TPRG1: variants seen among roughly 807,000 people sequenced by gnomAD.
The protein encoded by TPRG1 is tumor protein p63 regulated 1, also known as tumor protein p63-regulated gene 1 protein.
A neutral mutation model predicts 29.3 loss-of-function variants in TPRG1; 29 were observed. The observed-to-expected ratio is 0.99, with a 90% CI of 0.74 to 1.35. The LOEUF is 1.35. Ranked by LOEUF, TPRG1 falls within the 40% of genes most tolerant of loss-of-function variation. The pLI is 0.00. For missense variants in TPRG1, 327 were observed against 335.0 expected, an observed-to-expected ratio of 0.98 and a Z score of 0.19; for synonymous variants, 130 against 116.8, an observed-to-expected ratio of 1.11 and a Z score of -0.73.
intron 1 of TPRG1, among the ~76,000 whole-genome samples, chr3:189,105,961 G>A (rs1044649509): frequency 2.0e-5 from 3 of 152,134 alleles, no homozygotes; most frequent in South Asian, 2.1e-4. Flanking sequence ...ATACCTAGGC[G>A]ATGGGTTGAC....
intron 4 of TPRG1, among the ~76,000 whole-genome samples, chr3:189,245,719 T>C (rs1017790548): frequency 1.3e-5 from 2 of 152,114 alleles, no homozygotes; most frequent in African/African-American, 4.8e-5. Context: ...TTATATATAT[T>C]TTTACTGATT....
intron 4 of TPRG1, among the ~76,000 whole-genome samples, chr3:189,303,951 T>C (rs1431960183): frequency 6.6e-6 from 1 of 152,174 alleles, no homozygotes; most frequent in Non-Finnish European, 1.5e-5. Flanking sequence ...TTTTTATAAT[T>C]ATTCACTCTC....
At chr3:188,997,989 C>T (rs558378765) in intron 1 of TPRG1, among the ~76,000 whole-genome samples, 2 of 151,998 alleles carry the variant, frequency 1.3e-5, no homozygotes, top group East Asian at 3.9e-4. Context: ...AATTCACATT[C>T]ATTCATTCAT....
At chr3:189,238,213 T>C (rs1473535731) in intron 3 of TPRG1, among the ~76,000 whole-genome samples, 1 of 152,172 alleles carries the variant, frequency 6.6e-6, no homozygotes, top group Non-Finnish European at 1.5e-5. Context: ...GAGCTGCAAA[T>C]AGGAATGAGA....
chr3:189,010,147 G>A (rs1372065750), intron 3 of TPRG1, among the ~76,000 whole-genome samples: 4 of 152,138 alleles, frequency 2.6e-5, no homozygotes, highest in Non-Finnish European at 4.4e-5. Context: ...TGGCTGCATA[G>A]AATTCCATGG....
chr3:189,035,823 G>A (rs1714231628), intron 4 of TPRG1, among the ~76,000 whole-genome samples: 2 of 152,130 alleles, frequency 1.3e-5, no homozygotes, highest in South Asian at 4.1e-4. Flanking sequence ...CTGTTAGTGG[G>A]AATGTAAATT....
chr3:189,190,644 T>C (rs1369271608), intron 1 of TPRG1, among the ~76,000 whole-genome samples: 5 of 152,202 alleles, frequency 3.3e-5, no homozygotes, highest in Non-Finnish European at 7.3e-5. Flanking sequence ...TACTTCATCA[T>C]CTACAAAGTA....
At chr3:189,132,690 G>A (rs1723234765) in exon 3 of TPRG1, 1 of 152,188 alleles carries the variant, frequency 6.6e-6, no homozygotes. Flanking sequence ...TGTCAGGCGG[G>A]AAAACAGGTA....
intron 3 of TPRG1, among the ~76,000 whole-genome samples, chr3:189,135,950 A>T (rs1578481097): frequency 6.6e-6 from 1 of 152,328 alleles, no homozygotes; most frequent in South Asian, 2.1e-4. Context: ...CTCAAGTCCC[A>T]GTACATTGGC....
intron 4 of TPRG1, among the ~76,000 whole-genome samples, chr3:189,281,784 A>G (rs988484424): frequency 3.3e-5 from 5 of 152,244 alleles, no homozygotes; most frequent in Middle Eastern, 3.4e-3. Flanking sequence ...TTTCCATCTC[A>G]AGGCACCTAC....
At chr3:189,185,232 T>C (rs370377970) in intron 1 of TPRG1, among the ~76,000 whole-genome samples, 69 of 152,266 alleles carry the variant, frequency 4.5e-4, no homozygotes, top group African/African-American at 1.6e-3. Context: ...TCTTTTTTTT[T>C]TGAGACCTGA....
At chr3:189,288,025 A>G (rs1329223715) in intron 4 of TPRG1, among the ~76,000 whole-genome samples, 4 of 151,924 alleles carry the variant, frequency 2.6e-5, no homozygotes, top group Non-Finnish European at 4.4e-5. Flanking sequence ...TAAATTTTTA[A>G]CACAAAGTTT....
chr3:189,238,954 G>A (rs1475789442), intron 4 of TPRG1, 45 bp downstream of exon 4: 53 of 1,481,706 alleles, frequency 3.6e-5, no homozygotes, highest in Non-Finnish European at 4.7e-5. Context: ...AGCAGGGATG[G>A]ACCTGCAGGG....
chr3:189,024,996 G>A (rs190862012), intron 4 of TPRG1, among the ~76,000 whole-genome samples: 1 of 152,240 alleles, frequency 6.6e-6, no homozygotes, highest in African/African-American at 2.4e-5. Flanking sequence ...TTTGGGAGGT[G>A]CTATGGAAGT....
intron 4 of TPRG1, among the ~76,000 whole-genome samples, chr3:189,077,566 T>C (rs1188714176): frequency 2.6e-5 from 4 of 152,168 alleles, no homozygotes; most frequent in South Asian, 2.1e-4. Context: ...AATGATTATA[T>C]AGGTGTACAA....
intron 4 of TPRG1, among the ~76,000 whole-genome samples, chr3:189,075,725 A>G (rs1403246133): frequency 1.3e-5 from 2 of 152,184 alleles, no homozygotes; most frequent in Admixed American, 6.5e-5. Context: ...TTACAGTCCC[A>G]CTTCCTTAGC....
At chr3:189,156,379 T>C (rs1488547874) in intron 5 of TPRG1, among the ~76,000 whole-genome samples, 1 of 151,176 alleles carries the variant, frequency 6.6e-6, no homozygotes, top group Non-Finnish European at 1.5e-5. Flanking sequence ...AATTATGTTG[T>C]GTTAAGCCCC....
chr3:189,162,561 G>A (rs1727627217), intron 5 of TPRG1, among the ~76,000 whole-genome samples: 1 of 152,194 alleles, frequency 6.6e-6, no homozygotes, highest in Non-Finnish European at 1.5e-5. Flanking sequence ...TCAGAATTTG[G>A]AAGTGGTGGG....
At chr3:189,010,774 T>C (rs903325352) in intron 3 of TPRG1, among the ~76,000 whole-genome samples, 1 of 152,210 alleles carries the variant, frequency 6.6e-6, no homozygotes, top group Non-Finnish European at 1.5e-5. Flanking sequence ...AGAAGCTCTT[T>C]AGTTAATTAG....
Sources: allele counts gnomAD v4.1 joint callset (sites outside exome capture counted in the v4.1 genomes callset), GRCh38; gene constraint gnomAD v4.1.1; transcripts MANE v1.5; gene names NCBI Gene and HGNC (gene_info 2026-07-23, HGNC 2026-07-21).